The following CWF19L2 variants were observed in gnomAD, a reference collection of about 807,000 sequenced individuals.
The protein encoded by CWF19L2 is CWF19 like cell cycle control factor 2.
Under a neutral mutation model 111.7 loss-of-function variants are expected in CWF19L2, and 98 were observed. The ratio of observed to expected loss-of-function variants is 0.88; its 90% CI spans 0.75 to 1.04. CWF19L2 has a LOEUF of 1.04. Ranked by LOEUF, CWF19L2 falls within the 50% of genes least tolerant of loss-of-function variation. CWF19L2 has a pLI of 0.00. For missense variants in CWF19L2, 1,101 were observed against 1,051.4 expected, an observed-to-expected ratio of 1.05 and a Z score of -0.65; for synonymous variants, 351 against 342.9, an observed-to-expected ratio of 1.02 and a Z score of -0.26.
chr11:107,368,009 AC>A lies in CWF19L2; in HGVS notation c.1873-14274del, dbSNP rs1263470449. Among the ~76,000 whole-genome samples, 4 of 136,858 alleles carry A rather than the reference AC, an allele frequency of 2.9e-5. No homozygotes were observed. The East Asian group carries it at 8.5e-4, about 29-fold the overall frequency. 89.8% of individuals were successfully genotyped at this position (136,858 alleles called of 152,430 possible). ...CCTACATCAACAAAGTAGAAAAATAACAAATGAAAAATAATCTAATGTGACA... is the reference window on the plus strand; with the variant it reads ...CCTACATCAACAAAGTAGAAAAATAAAAATGAAAAATAATCTAATGTGACA... On this transcript the variant is annotated intron_variant, in intron 12 of 17. Transcript: ENST00000282251.
intron 10 of CWF19L2, among the ~76,000 whole-genome samples, chr11:107,394,308 C>T (rs991292814): frequency 3.3e-5 from 5 of 152,154 alleles, no homozygotes; most frequent in Admixed American, 1.3e-4. Context: ...TAATGAAGTG[C>T]CATCTTTTAA....
At chr11:107,427,526 C>T (rs1177511551) in intron 8 of CWF19L2, among the ~76,000 whole-genome samples, 2 of 151,886 alleles carry the variant, frequency 1.3e-5, no homozygotes, top group Non-Finnish European at 2.9e-5. Context: ...ATCAGACAAC[C>T]GGTTGGAATA....
chr11:107,386,351 T>C (rs1860766439), intron 12 of CWF19L2, among the ~76,000 whole-genome samples: 1 of 152,194 alleles, frequency 6.6e-6, no homozygotes. Context: ...TACCTACATC[T>C]GTATACTAAT....
At position 107,454,585 on chromosome 11, in the gene CWF19L2, T is replaced by C; in HGVS notation, c.217-13A>G. 1 of 1,341,866 alleles carries C rather than the reference T, an allele frequency of 7.5e-7. No homozygotes were observed. Among genetic ancestry groups the C allele is most frequent in the South Asian group, 2.1e-5 (1 of 48,428 alleles). 83.1% of individuals were successfully genotyped at this position (1,341,866 alleles called of 1,614,324 possible). A position where few individuals can be genotyped will look rare whatever the true frequency, so the allele number is the denominator to read the frequency against. On this transcript the variant is annotated splice_polypyrimidine_tract_variant and intron_variant, in intron 2 of 17. Transcript: ENST00000282251. ...TCACAGAGTGTTCCTACAATCATTT[T>C]GAACAGGCAAGAAAATAATTTAATT...
intron 3 of CWF19L2, among the ~76,000 whole-genome samples, chr11:107,444,568 A>G (rs912886473): frequency 6.6e-6 from 1 of 152,148 alleles, no homozygotes; most frequent in Non-Finnish European, 1.5e-5. Context: ...CCTTTGGGCC[A>G]TTAAATCCAT....
At position 107,455,676 on chromosome 11, in the gene CWF19L2, TG is replaced by T; in HGVS notation, c.205del (p.Gln69SerfsTer8). On this transcript the variant is annotated frameshift_variant, in exon 2 of 18. Coordinates refer to ENST00000282251, the MANE Select transcript of CWF19L2 (RefSeq NM_152434.3). LOFTEE classifies it high-confidence loss of function. ...CCTGTTAGTATTCACCTGTGAGAACTGTTCAATTCTCTCATTCACATCAGGT... is the reference window on the plus strand; with the variant it reads ...CCTGTTAGTATTCACCTGTGAGAACTTTCAATTCTCTCATTCACATCAGGT... Reference protein sequence around the residue: ...MLPDVNERIEQFSQEHSVKKK... With the variant: ...MLPDVNERIEXFSQEHSVKKK... The T allele has an allele frequency of 6.5e-7, 1 of 1,544,604 alleles. No homozygotes were observed. The highest frequency in any genetic ancestry group is 8.8e-7 in the Non-Finnish European group (1 of 1,141,634).
intron 10 of CWF19L2, among the ~76,000 whole-genome samples, chr11:107,393,907 G>GA (rs1860884856): frequency 6.6e-6 from 1 of 152,098 alleles, no homozygotes; most frequent in Non-Finnish European, 1.5e-5. Flanking sequence ...AGTAATGGCT[G>GA]AAAAAATTAC....
rs769670428 is a variant in CWF19L2 at position 107,334,528 on chromosome 11, G to T, written c.2439+353C>A. On this transcript the variant is annotated intron_variant, in intron 16 of 17. Coordinates refer to ENST00000282251, the MANE Select transcript of CWF19L2 (RefSeq NM_152434.3). ...GGAAAATTTTTCTCTCAGTATAATTGCAGAACAATATATTTCAGGAAGGCC... is the reference window on the plus strand; with the variant it reads ...GGAAAATTTTTCTCTCAGTATAATTTCAGAACAATATATTTCAGGAAGGCC... Among the ~76,000 whole-genome samples the T allele has an allele frequency of 2.0e-5, 3 of 152,292 alleles. No homozygotes were observed. In the South Asian group the frequency reaches 6.2e-4, roughly 32 times the overall value.
At chr11:107,328,945 G>C (rs1379109640) in intron 17 of CWF19L2, among the ~76,000 whole-genome samples, 1 of 152,140 alleles carries the variant, frequency 6.6e-6, no homozygotes, top group Non-Finnish European at 1.5e-5. Context: ...CTAAGGACAA[G>C]AGCATTAAAA....
intron 7 of CWF19L2, among the ~76,000 whole-genome samples, chr11:107,431,649 G>A (rs900803751): frequency 1.3e-5 from 2 of 152,036 alleles, no homozygotes; most frequent in Non-Finnish European, 2.9e-5. Flanking sequence ...ACTAACAAGA[G>A]ATTTATCACA....
intron 10 of CWF19L2, among the ~76,000 whole-genome samples, chr11:107,402,439 CA>C (rs1476214099): frequency 1.3e-5 from 2 of 150,690 alleles, no homozygotes; most frequent in Non-Finnish European, 3.0e-5. Context: ...AGACAATTCT[CA>C]AAAGGAGATA....
At chr11:107,420,136 A>G (rs1861283609) in intron 8 of CWF19L2, among the ~76,000 whole-genome samples, 1 of 152,102 alleles carries the variant, frequency 6.6e-6, no homozygotes, top group Admixed American at 6.5e-5. Context: ...ACAGATGGGA[A>G]AAATAGAAAA....
Position 107,338,913 on chromosome 11 carries a change from T to C in CWF19L2, c.2203-2200A>G, listed in dbSNP as rs144765440. Among the ~76,000 whole-genome samples, 1,036 of 152,354 alleles carry C rather than the reference T, an allele frequency of 6.8e-3. 7 individuals are homozygous for C. The highest frequency in any genetic ancestry group is 0.011 in the Non-Finnish European group (732 of 68,038). On this transcript the variant is annotated intron_variant, in intron 14 of 17. Transcript: ENST00000282251. The stretch of plus-strand genomic sequence containing the variant: ...TGTATCTTTATAACAGAATGAATTA[T>C]ATTCCTTTGGGTATATACCCAGTAA...
intron 10 of CWF19L2, 81 bp downstream of exon 10, chr11:107,416,106 GATAAAATAAAATAAAAAATAAA>G (rs1487807032): frequency 7.0e-6 from 2 of 284,742 alleles, no homozygotes; most frequent in African/African-American, 4.5e-5. Context: ...CAAAAAAATA[GATAAAATAAAATAAAAAATAAA>G]ATAAAATAAA....
At chr11:107,414,025 C>G (rs997174318) in intron 10 of CWF19L2, among the ~76,000 whole-genome samples, 1 of 152,152 alleles carries the variant, frequency 6.6e-6, no homozygotes. Context: ...CATCCTTGCC[C>G]TGCACTTACC....
intron 8 of CWF19L2, among the ~76,000 whole-genome samples, chr11:107,419,168 T>A (rs1861269545): frequency 6.6e-6 from 1 of 152,140 alleles, no homozygotes; most frequent in East Asian, 1.9e-4. Context: ...GCTTATCCAG[T>A]CCCACTAGCT....
At chr11:107,430,556 G>C (rs546428236) in intron 7 of CWF19L2, among the ~76,000 whole-genome samples, 3 of 152,006 alleles carry the variant, frequency 2.0e-5, no homozygotes, top group Admixed American at 1.3e-4. Context: ...CAATGAATTC[G>C]GGCAAAGATC....
chr11:107,397,555 GC>G (rs1034548360), intron 10 of CWF19L2, among the ~76,000 whole-genome samples: 4 of 141,164 alleles, frequency 2.8e-5, no homozygotes, highest in African/African-American at 8.0e-5. Context: ...GCCTAGCCCC[GC>G]CCCCACCTGA....
chr11:107,347,756 C>A (rs1860100691), intron 14 of CWF19L2, among the ~76,000 whole-genome samples: 1 of 152,158 alleles, frequency 6.6e-6, no homozygotes, highest in Non-Finnish European at 1.5e-5. Context: ...TACTCAATAT[C>A]TGTTAAATTG....
Sources: gnomAD v4.1 joint callset for allele counts (sites outside exome capture counted in the v4.1 genomes callset) on GRCh38, gnomAD v4.1.1 for gene constraint, MANE v1.5 for transcripts, NCBI Gene and HGNC (gene_info 2026-07-23, HGNC 2026-07-21) for gene names.